Variants in ATIC observed in about 807,000 individuals in gnomAD.
The protein encoded by ATIC is 5-aminoimidazole-4-carboxamide ribonucleotide formyltransferase/IMP cyclohydrolase, also known as bifunctional purine biosynthesis protein ATIC.
ATIC carries 64 observed loss-of-function variants against 72.5 expected under a neutral mutation model. That is an observed-to-expected ratio of 0.88 (90% CI 0.72 to 1.09). The LOEUF is 1.09. ATIC is among the 50% of genes least tolerant of loss of function. The pLI, the probability that ATIC is intolerant of heterozygous loss-of-function variation, is 0.00. For synonymous variants in ATIC, 281 were observed against 267.1 expected (o/e 1.05, Z -0.51); for missense variants, 787 against 732.4 (o/e 1.07, Z -0.86).
the ATIC span, among the ~76,000 whole-genome samples, chr2:215,354,941 G>A: frequency 6.6e-6 from 1 of 151,908 alleles, no homozygotes; most frequent in Admixed American, 6.6e-5. Flanking sequence ...TGAAGGACAG[G>A]ATTGAATGAA....
chr2:215,344,149 A>C (rs2053047906), intron 12 of ATIC, among the ~76,000 whole-genome samples: 1 of 152,218 alleles, frequency 6.6e-6, no homozygotes, highest in South Asian at 2.1e-4. Flanking sequence ...TGGTCAAGAA[A>C]ATATTGTTTG....
At chr2:215,343,512 T>G (rs13029082) in intron 12 of ATIC, among the ~76,000 whole-genome samples, 35,144 of 152,114 alleles carry the variant, frequency 0.23, 5,055 homozygotes, top group South Asian at 0.45. Flanking sequence ...AATTTTTATA[T>G]TTTTAGTAGA....
chr2:215,353,031 A>G (rs1046003899), downstream of ATIC, among the ~76,000 whole-genome samples: 2 of 152,332 alleles, frequency 1.3e-5, no homozygotes, highest in Admixed American at 1.3e-4. Flanking sequence ...CTCCATGAGG[A>G]TGAGTTTTCC....
rs547531736 is a variant in ATIC at position 215,312,076 on chromosome 2, C to T, written c.-67C>T. 6.4e-5 allele frequency: 98 copies of T among 1,528,982 alleles called. No homozygotes were observed. In the East Asian group the frequency reaches 1.2e-3, roughly 18 times the overall value. The allele number at this position is 1,528,982 out of a possible 1,614,324, so 94.7% of individuals were successfully genotyped here. A position where few individuals can be genotyped will look rare whatever the true frequency, so the allele number is the denominator to read the frequency against. ...CCTGAGCCGCCACATCCCGGCAGCC[C>T]TCCTACCTGCGCACGTGGTGCCGCC... On this transcript the variant is annotated 5_prime_UTR_variant, in exon 1 of 16. Coordinates refer to ENST00000236959, the MANE Select transcript of ATIC (RefSeq NM_004044.7).
the ATIC span, chr2:215,364,627 A>C: frequency 3.5e-5 from 20 of 565,396 alleles, no homozygotes; most frequent in Admixed American, 2.4e-4. Context: ...ATGACTCAAG[A>C]CTTGTGTTTT....
chr2:215,325,773 C>T (rs764510447), intron 5 of ATIC, among the ~76,000 whole-genome samples: 3 of 151,980 alleles, frequency 2.0e-5, no homozygotes, highest in South Asian at 2.1e-4. Flanking sequence ...GCCATGTTGG[C>T]CAGAGTGGTC....
chr2:215,334,961 C>G lies in ATIC; in HGVS notation c.965C>G (p.Ser322Cys). The G allele has an allele frequency of 6.2e-7, 1 of 1,613,554 alleles. No individual in the cohort carries two copies. Residue 322 changes from serine to cysteine, a missense_variant, in exon 10 of 16, where the codon TCC becomes TGC. Coordinates refer to ENST00000236959, the MANE Select transcript of ATIC (RefSeq NM_004044.7). ...MSSFGDFVAL[S>C]DVCDVPTAKI... ...TCATTTGGTGATTTTGTTGCATTGT[C>G]CGATGTTTGTGATGTACCAACTGCA...
At chr2:215,367,752 T>G in the ATIC span, 1 of 1,064,686 alleles carries the variant, frequency 9.4e-7, no homozygotes, top group African/African-American at 1.6e-5. Context: ...TCTTGTTTGC[T>G]TCATGTTTGG....
At chr2:215,313,055 C>T (rs569751365) in intron 2 of ATIC, among the ~76,000 whole-genome samples, 1 of 152,310 alleles carries the variant, frequency 6.6e-6, no homozygotes, top group African/African-American at 2.4e-5. Context: ...CGAGATGGCA[C>T]TACTGCACTC....
intron 6 of ATIC, among the ~76,000 whole-genome samples, chr2:215,326,482 C>T (rs1458916068): frequency 1.3e-5 from 2 of 151,828 alleles, no homozygotes; most frequent in Admixed American, 6.6e-5. Flanking sequence ...TGGTGTGGTA[C>T]GCCTGTAATC....
chr2:215,343,385 G>A (rs2053040294), intron 12 of ATIC, among the ~76,000 whole-genome samples: 1 of 152,114 alleles, frequency 6.6e-6, no homozygotes, highest in Non-Finnish European at 1.5e-5. Flanking sequence ...CACCTAGACT[G>A]GAGTGCAGTG....
chr2:215,321,164 G>T (rs991967553), intron 4 of ATIC, among the ~76,000 whole-genome samples: 2 of 151,996 alleles, frequency 1.3e-5, no homozygotes, highest in South Asian at 2.1e-4. Context: ...CTCCAGCCTC[G>T]GCAACCACCA....
At chr2:215,335,882 T>A (rs752046933) in intron 10 of ATIC, 153 bp from the exon 11 acceptor site, 53 of 627,948 alleles carry the variant, frequency 8.4e-5, no homozygotes, top group Non-Finnish European at 8.9e-5. Context: ...TCTAATAGAT[T>A]TCTCTTTTCA....
the ATIC span, among the ~76,000 whole-genome samples, chr2:215,366,427 A>T: frequency 6.6e-6 from 1 of 152,214 alleles, no homozygotes; most frequent in Non-Finnish European, 1.5e-5. Context: ...CACCTGTTTC[A>T]TGTACATGGG....
chr2:215,331,334 T>C (rs2052891466), intron 7 of ATIC, among the ~76,000 whole-genome samples: 2 of 151,844 alleles, frequency 1.3e-5, no homozygotes, highest in Non-Finnish European at 2.9e-5. Context: ...CTTTAAAAAC[T>C]ATCTTAACCC....
rs2052821738 is a variant in ATIC, at chr2:215,326,105, C to G, written c.498C>G (p.Thr166=). Residue 166 remains threonine (T), a synonymous_variant, in exon 6 of 16, where the codon ACC becomes ACG. Transcript: ENST00000236959. Reference sequence around the variant, plus strand: ...TGCAGAGCTCCGAGAGTAAGGACACCTCCTTGGAGACTAGACGCCAGTTAG... The same window carrying G: ...TGCAGAGCTCCGAGAGTAAGGACACGTCCTTGGAGACTAGACGCCAGTTAG... ...TEMQSSESKD[T]SLETRRQLAL... The G allele has an allele frequency of 6.2e-7, 1 of 1,613,958 alleles. No individual in the cohort carries two copies. The highest frequency in any genetic ancestry group is 1.3e-5 in the African/African-American group (1 of 74,912).
chr2:215,367,653 C>G, the ATIC span: 1 of 608,014 alleles, frequency 1.6e-6, no homozygotes, highest in South Asian at 1.9e-5. Flanking sequence ...TATTGGCATA[C>G]AACCCTTGAA....
At chr2:215,322,447 A>G (rs143980934) in intron 4 of ATIC, among the ~76,000 whole-genome samples, 2,949 of 149,482 alleles carry the variant, frequency 0.02, 46 homozygotes, top group African/African-American at 0.043. Flanking sequence ...CTCATGCCTC[A>G]GCCTCGCAAG....
chr2:215,318,360 A>G, intron 3 of ATIC, 127 bp downstream of exon 3: 1 of 887,480 alleles, frequency 1.1e-6, no homozygotes, highest in Non-Finnish European at 1.8e-6. Context: ...AATGTTATGA[A>G]GTTGCTGCCA....
Sources: gnomAD v4.1 joint callset for allele counts (sites outside exome capture counted in the v4.1 genomes callset) on GRCh38, gnomAD v4.1.1 for gene constraint, MANE v1.5 for transcripts, NCBI Gene and HGNC (gene_info 2026-07-23, HGNC 2026-07-21) for gene names.